Variants in MBD5 observed in about 807,000 individuals in gnomAD.
The protein encoded by MBD5 is methyl-CpG binding domain protein 5, also known as methyl-CpG-binding domain protein 5.
MBD5 carries 13 observed loss-of-function variants against 117.3 expected under a neutral mutation model. That is an observed-to-expected ratio of 0.11 (90% CI 0.07 to 0.18). MBD5 has a LOEUF of 0.18. MBD5 is among the 10% of genes least tolerant of loss of function. The pLI, the probability that MBD5 is intolerant of heterozygous loss-of-function variation, is 1.00. For synonymous variants in MBD5, 727 were observed against 766.4 expected, an observed-to-expected ratio of 0.95 and a Z score of 0.85; for missense variants, 1,879 against 2,093.8, an observed-to-expected ratio of 0.90 and a Z score of 2.00.
chr2:148,345,382 C>CACATAT, intron 4 of MBD5, among the ~76,000 whole-genome samples: 1 of 139,290 alleles, frequency 7.2e-6, no homozygotes, highest in African/African-American at 2.5e-5. Flanking sequence ...TACACATATA[C>CACATAT]ACATATACAT....
intron 1 of MBD5, among the ~76,000 whole-genome samples, chr2:148,059,148 T>A (rs980575613): frequency 2.0e-5 from 3 of 152,226 alleles, no homozygotes; most frequent in Non-Finnish European, 4.4e-5. Flanking sequence ...TTTATTGTGA[T>A]ATTTGCTTAT....
chr2:148,154,533 G>C (rs879187828), intron 1 of MBD5, among the ~76,000 whole-genome samples: 2 of 152,186 alleles, frequency 1.3e-5, no homozygotes, highest in African/African-American at 4.8e-5. Flanking sequence ...CCCCCAGCCT[G>C]GCTGCCGCCT....
chr2:148,059,602 C>G (rs1694970841), intron 1 of MBD5, among the ~76,000 whole-genome samples: 1 of 151,592 alleles, frequency 6.6e-6, no homozygotes, highest in South Asian at 2.1e-4. Context: ...AATCCCAGCA[C>G]TTTGGGAGGC....
chr2:148,147,705 G>C (rs189454577), intron 1 of MBD5, among the ~76,000 whole-genome samples: 1 of 152,040 alleles, frequency 6.6e-6, no homozygotes, highest in Non-Finnish European at 1.5e-5. Context: ...TAAAATTTCT[G>C]CTCTGTTACC....
chr2:148,087,852 T>C (rs957087466), intron 1 of MBD5, among the ~76,000 whole-genome samples: 3 of 152,084 alleles, frequency 2.0e-5, no homozygotes, highest in Non-Finnish European at 4.4e-5. Flanking sequence ...TAGCAATGGA[T>C]CCAAACCAAG....
intron 1 of MBD5, among the ~76,000 whole-genome samples, chr2:148,093,456 A>G (rs1041846559): frequency 6.6e-6 from 1 of 152,146 alleles, no homozygotes; most frequent in African/African-American, 2.4e-5. Flanking sequence ...CTGATGAGGC[A>G]GGTTTTTGAT....
At chr2:148,238,842 T>C (rs1417607167) in intron 3 of MBD5, among the ~76,000 whole-genome samples, 1 of 152,126 alleles carries the variant, frequency 6.6e-6, no homozygotes, top group Non-Finnish European at 1.5e-5. Context: ...GCTCTTCTTA[T>C]AAGGATTGGA....
intron 2 of MBD5, among the ~76,000 whole-genome samples, chr2:148,205,539 ATAT>A (rs777764805): frequency 1.6e-4 from 25 of 152,258 alleles, no homozygotes; most frequent in Non-Finnish European, 3.2e-4. Context: ...AAGCATGCAA[ATAT>A]TATAATTGCT....
Position 148,468,499 on chromosome 2 carries a change from C to A in MBD5, c.556C>A (p.Leu186Met), listed in dbSNP as rs1426270185. The change falls in exon 8 of 14, where the codon CTG becomes ATG. Residue 186 changes from leucine (L) to methionine (M), a missense_variant. Leu to Met is a conservative substitution (Grantham distance 15, BLOSUM62 2). Coordinates refer to ENST00000642680, the MANE Select transcript of MBD5 (RefSeq NM_001378120.1). ...NAMGRLYVQE[L>M]PGSQQQELHP... ...CATGGGAAGGCTATATGTACAAGAACTGCCTGGAAGCCAACAACAAGAACT... is the reference window on the plus strand; with the variant it reads ...CATGGGAAGGCTATATGTACAAGAAATGCCTGGAAGCCAACAACAAGAACT... 1 of 1,613,886 alleles carries A rather than the reference C, an allele frequency of 6.2e-7. No individual in the cohort carries two copies. Among genetic ancestry groups the A allele is most frequent in the South Asian group, 1.1e-5 (1 of 91,072 alleles).
At position 148,513,003 on chromosome 2, in the gene MBD5, A is replaced by C; in HGVS notation, c.*62A>C. ...GGAACATGCACAGATGTATCTGTAT[A>C]TAGGTATTGATATAGCCACAGTTAT... is the stretch of plus-strand genomic sequence containing the variant. On this transcript the variant is annotated 3_prime_UTR_variant, in exon 14 of 14. Transcript: ENST00000642680. 1 of 1,400,354 alleles carries C rather than the reference A, an allele frequency of 7.1e-7. No homozygotes were observed. The highest frequency in any genetic ancestry group is 1.0e-6 in the Non-Finnish European group (1 of 986,566). The allele number at this position is 1,400,354 out of a possible 1,614,324, so 86.7% of individuals were successfully genotyped here.
chr2:148,360,857 ATAT>A (rs1703511784), intron 4 of MBD5, among the ~76,000 whole-genome samples: 1 of 152,216 alleles, frequency 6.6e-6, no homozygotes, highest in Non-Finnish European at 1.5e-5. Flanking sequence ...TAATGTTTTT[ATAT>A]TTCAGTTAAA....
chr2:148,261,235 T>A (rs1239028631), intron 3 of MBD5, among the ~76,000 whole-genome samples: 1 of 152,142 alleles, frequency 6.6e-6, no homozygotes, highest in Non-Finnish European at 1.5e-5. Flanking sequence ...AATCAGTGGG[T>A]CCTTTGAAGC....
intron 1 of MBD5, among the ~76,000 whole-genome samples, chr2:148,130,822 CACTT>C (rs1304177440): frequency 1.3e-5 from 2 of 152,200 alleles, no homozygotes; most frequent in African/African-American, 4.8e-5. Flanking sequence ...GGAATTTACT[CACTT>C]AGTGATGGTT....
chr2:148,228,155 G>C (rs1699885436), intron 2 of MBD5, among the ~76,000 whole-genome samples: 1 of 152,190 alleles, frequency 6.6e-6, no homozygotes, highest in South Asian at 2.1e-4. Flanking sequence ...ATGTTGAATA[G>C]GAGTGGTGAG....
intron 2 of MBD5, among the ~76,000 whole-genome samples, chr2:148,229,670 A>G (rs1191868749): frequency 6.6e-6 from 1 of 152,030 alleles, no homozygotes; most frequent in East Asian, 1.9e-4. Flanking sequence ...AAAGGACTTG[A>G]TTGTTGTGAT....
chr2:148,217,274 C>T (rs1432040123), intron 2 of MBD5, among the ~76,000 whole-genome samples: 2 of 152,194 alleles, frequency 1.3e-5, no homozygotes, highest in African/African-American at 4.8e-5. Context: ...AGCATCTCCA[C>T]CCCTGCTCCT....
chr2:148,345,442 TATACAC>T (rs1343573766), intron 4 of MBD5, among the ~76,000 whole-genome samples: 1 of 92,478 alleles, frequency 1.1e-5, no homozygotes, highest in Non-Finnish European at 2.5e-5. Flanking sequence ...TACATATGTA[TATACAC>T]ATACACATAT....
intron 4 of MBD5, among the ~76,000 whole-genome samples, chr2:148,358,564 A>G (rs1703444947): frequency 6.7e-6 from 1 of 148,638 alleles, no homozygotes; most frequent in Non-Finnish European, 1.5e-5. Context: ...GGATCACTTG[A>G]GCTGTGAAAT....
intron 4 of MBD5, among the ~76,000 whole-genome samples, chr2:148,388,656 G>A (rs1378041984): frequency 6.6e-6 from 1 of 152,116 alleles, no homozygotes; most frequent in Admixed American, 6.5e-5. Context: ...GTGCTGGCAG[G>A]TTTAGTTTCT....
Sources: allele counts gnomAD v4.1 joint callset (sites outside exome capture counted in the v4.1 genomes callset), GRCh38; gene constraint gnomAD v4.1.1; transcripts MANE v1.5; gene names NCBI Gene and HGNC (gene_info 2026-07-23, HGNC 2026-07-21).